RP1: variants seen among roughly 807,000 people sequenced by gnomAD.
The protein encoded by RP1 is oxygen-regulated protein 1.
A neutral mutation model predicts 14.8 loss-of-function variants in RP1; 16 were observed. That is an observed-to-expected ratio of 1.08 (90% confidence interval 0.73 to 1.65). The LOEUF (loss-of-function observed/expected upper bound fraction) is 1.65, where lower values mean the gene tolerates loss of function less well. Among genes scored for constraint, RP1 ranks in the 40% most tolerant of loss-of-function variants. RP1 has a pLI of 0.00. For missense variants in RP1, 2,631 were observed against 2,535.0 expected (o/e 1.04, Z -0.81); for synonymous variants, 876 against 883.6 (o/e 0.99, Z 0.15).
intron 7 of RP1, among the ~76,000 whole-genome samples, chr8:54,667,761 T>C (rs1405469639): frequency 1.3e-5 from 2 of 152,084 alleles, no homozygotes; most frequent in Non-Finnish European, 2.9e-5. Flanking sequence ...ACCTCCAGTC[T>C]GCCATATTGC....
At chr8:54,847,167 A>G (rs180853152) in intron 25 of RP1, among the ~76,000 whole-genome samples, 1 of 152,128 alleles carries the variant, frequency 6.6e-6, no homozygotes, top group South Asian at 2.1e-4. Flanking sequence ...AGGGAGATAG[A>G]AAAGGGAATT....
At position 54,621,367 on chromosome 8, in the gene RP1, G is replaced by A. The variant is rs1805864677; in HGVS notation, c.401G>A (p.Ser134Asn). The A allele has an allele frequency of 1.9e-6, 3 of 1,612,762 alleles. No homozygotes were observed. The highest frequency in any genetic ancestry group is 2.5e-6 in the Non-Finnish European group (3 of 1,179,860). ...CCCTGGCTCAGCAGCCGGGCCATTAGCGCGCACTCACCGCCCCACCCCGTA... is the reference window on the plus strand; with the variant it reads ...CCCTGGCTCAGCAGCCGGGCCATTAACGCGCACTCACCGCCCCACCCCGTA... ...PRPWLSSRAISAHSPPHPVAV... is the reference protein window; with the variant it reads ...PRPWLSSRAINAHSPPHPVAV... The change falls in exon 2 of 4, where the codon AGC becomes AAC. Residue 134 changes from serine to asparagine, a missense_variant. Ser to Asn is a conservative substitution (Grantham distance 46). Transcript: ENST00000220676.
At chr8:54,661,003 G>A (rs1366674068) in intron 6 of RP1, among the ~76,000 whole-genome samples, 3 of 151,404 alleles carry the variant, frequency 2.0e-5, no homozygotes, top group African/African-American at 7.3e-5. Context: ...AAGGAAAAAT[G>A]AAATTTTGGT....
intron 25 of RP1, among the ~76,000 whole-genome samples, chr8:54,843,297 G>A (rs963832838): frequency 1.3e-5 from 2 of 152,132 alleles, no homozygotes; most frequent in Non-Finnish European, 2.9e-5. Flanking sequence ...GGCCAGGCTG[G>A]TCTCAAACTC....
intron 1 of RP1, among the ~76,000 whole-genome samples, chr8:54,574,978 A>G (rs1804610792): frequency 6.6e-6 from 1 of 152,144 alleles, no homozygotes. Context: ...ATATTTCTAT[A>G]TTTTATATTG....
At chr8:54,724,642 G>A (rs1486817039) in intron 16 of RP1, among the ~76,000 whole-genome samples, 2 of 151,974 alleles carry the variant, frequency 1.3e-5, no homozygotes, top group African/African-American at 4.8e-5. Context: ...TCAGAGTATT[G>A]TATTATTGGA....
rs748585505 is a variant in RP1 at position 54,575,348 on chromosome 8, GAACA to G, written c.-13+16034_-13+16037del. On this transcript the variant is annotated intron_variant, in intron 1 of 22. Coordinates refer to the RP1 transcript ENST00000636932. ...ACAGCAGTGCACTTGATAACTGGAA[GAACA>G]AACAATGTCTATTTCTTTCTTTAAG... is the stretch of plus-strand genomic sequence containing the variant. Among the ~76,000 whole-genome samples the G allele has an allele frequency of 2.5e-4, 38 of 152,184 alleles. 2 individuals are homozygous for G. Among genetic ancestry groups the G allele is most frequent in the Middle Eastern group, 3.4e-3 (1 of 294 alleles).
chr8:54,808,652 T>G (rs989403049), intron 24 of RP1, among the ~76,000 whole-genome samples: 1 of 152,230 alleles, frequency 6.6e-6, no homozygotes, highest in African/African-American at 2.4e-5. Context: ...ATTTTACCAT[T>G]TCTTTGTTAA....
At chr8:54,649,441 C>T (rs1443934241) in intron 4 of RP1, among the ~76,000 whole-genome samples, 1 of 151,754 alleles carries the variant, frequency 6.6e-6, no homozygotes, top group African/African-American at 2.4e-5. Flanking sequence ...CAAAGTCAAG[C>T]TCAAAAAGGG....
At chr8:54,867,594 A>G (rs1812487467) in intron 28 of RP1, among the ~76,000 whole-genome samples, 1 of 152,192 alleles carries the variant, frequency 6.6e-6, no homozygotes, top group Admixed American at 6.6e-5. Flanking sequence ...AAGTACCTAC[A>G]AAAGTGTCCT....
chr8:54,720,297 G>T (rs1808505041), exon 16 of RP1: 2 of 1,534,790 alleles, frequency 1.3e-6, no homozygotes, highest in African/African-American at 2.7e-5. Context: ...CTATCCACAA[G>T]TCATCCAATG....
chr8:54,717,067 A>G (rs574628220), intron 15 of RP1, among the ~76,000 whole-genome samples: 3 of 152,192 alleles, frequency 2.0e-5, no homozygotes, highest in Non-Finnish European at 4.4e-5. Flanking sequence ...AGTTTTCTCT[A>G]TGTAATATAT....
chr8:54,856,313 G>A (rs565478920), intron 26 of RP1, among the ~76,000 whole-genome samples: 1 of 152,288 alleles, frequency 6.6e-6, no homozygotes, highest in South Asian at 2.1e-4. Context: ...AGAGGGGCAT[G>A]TTGGGGTCTT....
chr8:54,862,502 G>C (rs1423917457), intron 27 of RP1, among the ~76,000 whole-genome samples: 1 of 151,804 alleles, frequency 6.6e-6, no homozygotes, highest in Non-Finnish European at 1.5e-5. Context: ...TAATATTTAG[G>C]GTAAAGGTAA....
At chr8:54,722,866 C>A (rs898699231) in intron 16 of RP1, among the ~76,000 whole-genome samples, 3 of 152,084 alleles carry the variant, frequency 2.0e-5, no homozygotes, top group African/African-American at 7.2e-5. Flanking sequence ...GTGTGCACCT[C>A]AAGTAAATGT....
At chr8:54,788,605 C>G (rs1221373207) in intron 24 of RP1, among the ~76,000 whole-genome samples, 1 of 152,070 alleles carries the variant, frequency 6.6e-6, no homozygotes, top group Admixed American at 6.6e-5. Context: ...GATGGCAGAT[C>G]CTAGGGACAA....
At chr8:54,866,548 A>G (rs1263322449) in intron 28 of RP1, among the ~76,000 whole-genome samples, 1 of 152,192 alleles carries the variant, frequency 6.6e-6, no homozygotes, top group Non-Finnish European at 1.5e-5. Context: ...TAGAATATCA[A>G]ATGCACCTTA....
chr8:54,641,223 G>A lies in RP1; in HGVS notation c.788-7762G>A, dbSNP rs141593912. 5.3e-4 allele frequency among the ~76,000 whole-genome samples: 80 copies of A among 152,188 alleles called. 1 individual carries two copies. Among genetic ancestry groups the A allele is most frequent in the African/African-American group, 1.9e-3 (78 of 41,522 alleles). ...GCCTCCTGAAGTGCTGGGATTACAG[G>A]CGTGAGCCACTGCGTCCGGCCATAA... On this transcript the variant is annotated intron_variant, in intron 3 of 22. Coordinates refer to the RP1 transcript ENST00000636932.
intron 16 of RP1, among the ~76,000 whole-genome samples, chr8:54,724,473 G>A (rs1286433280): frequency 3.3e-5 from 5 of 152,146 alleles, no homozygotes; most frequent in African/African-American, 1.2e-4. Context: ...AAATCCAGCT[G>A]TATATGTAAC....
Sources: allele counts gnomAD v4.1 joint callset (sites outside exome capture counted in the v4.1 genomes callset), GRCh38; gene constraint gnomAD v4.1.1; transcripts MANE v1.5; gene names NCBI Gene and HGNC (gene_info 2026-07-23, HGNC 2026-07-21).